SPEF2: variants seen among roughly 807,000 people sequenced by gnomAD.
The protein encoded by SPEF2 is sperm flagella and cilia-associated protein 2.
In SPEF2, 187 loss-of-function variants were observed where a neutral mutation model predicts 224.6. The observed-to-expected ratio is 0.83, with a 90% CI of 0.74 to 0.94. The LOEUF (loss-of-function observed/expected upper bound fraction) is 0.94. SPEF2 is among the 40% of genes least tolerant of loss of function. The pLI is 0.00. For missense variants in SPEF2, 2,170 were observed against 2,135.6 expected, an observed-to-expected ratio of 1.02 and a Z score of -0.32; for synonymous variants, 715 against 707.3, an observed-to-expected ratio of 1.01 and a Z score of -0.17.
At chr5:35,671,224 A>G in intron 10 of SPEF2, 5 of 984,146 alleles carry the variant, frequency 5.1e-6, no homozygotes, top group South Asian at 4.7e-5. Flanking sequence ...GAATAAAATG[A>G]ATGAATTACA....
rs768762057 is a variant in SPEF2 at position 35,807,186 on chromosome 5, T to A, written c.5312T>A (p.Val1771Asp). ...LGAKNLEPIE[V>D]AVLLKHPFIQ... ...GCCAAGAACCTGGAGCCAATTGAAG[T>A]CGCTGTTCTCTTGAAGCATCCTTTT... is the stretch of plus-strand genomic sequence containing the variant. The change falls in exon 36 of 37, where the codon GTC (valine) becomes GAC (aspartate). Residue 1771 changes from valine (V) to aspartate (D), a missense_variant. Transcript: ENST00000356031. 6.2e-7 allele frequency: 1 copy of A among 1,613,940 alleles called. No individual in the cohort carries two copies. The highest frequency in any genetic ancestry group is 1.3e-5 in the African/African-American group (1 of 74,930).
intron 30 of SPEF2, among the ~76,000 whole-genome samples, chr5:35,779,959 A>C (rs1034148503): frequency 9.9e-5 from 15 of 152,138 alleles, no homozygotes; most frequent in Non-Finnish European, 2.2e-4. Context: ...CTACTTCCAG[A>C]TATTCTTCAA....
chr5:35,810,755 G>A (rs1758485082), intron 36 of SPEF2, among the ~76,000 whole-genome samples: 1 of 152,216 alleles, frequency 6.6e-6, no homozygotes, highest in African/African-American at 2.4e-5. Flanking sequence ...CCCAGCAGCA[G>A]GGTGTCTGTC....
At chr5:35,661,351 A>C (rs955776277) in intron 8 of SPEF2, among the ~76,000 whole-genome samples, 2 of 144,882 alleles carry the variant, frequency 1.4e-5, no homozygotes, top group African/African-American at 2.5e-5. Flanking sequence ...ATATATACAC[A>C]CACACATATA....
intron 32 of SPEF2, among the ~76,000 whole-genome samples, chr5:35,795,055 G>C (rs1580763774): frequency 6.6e-6 from 1 of 151,684 alleles, no homozygotes; most frequent in African/African-American, 2.4e-5. Flanking sequence ...ATAACTTTAG[G>C]TCAAAATTTT....
intron 24 of SPEF2, among the ~76,000 whole-genome samples, 156 bp downstream of exon 24, chr5:35,753,917 C>T (rs1750064839): frequency 1.3e-5 from 2 of 152,152 alleles, no homozygotes; most frequent in Non-Finnish European, 2.9e-5. Flanking sequence ...ACCAAAAAAG[C>T]TAGCCGAAAT....
intron 19 of SPEF2, among the ~76,000 whole-genome samples, chr5:35,711,216 A>C (rs1034129782): frequency 1.2e-4 from 19 of 152,170 alleles, no homozygotes; most frequent in African/African-American, 4.6e-4. Context: ...TCACTAAAAA[A>C]CCAAATGAAA....
chr5:35,814,502 A>G lies in SPEF2; in HGVS notation c.5418A>G (p.Gln1806=). ...KIILQRSEHV[Q]GSDGERSPSR... Reference sequence around the variant, plus strand: ...TTCTCCAAAGGAGTGAACATGTACAAGGAAGTGATGGAGAGAGATCACCTT... The same window carrying G: ...TTCTCCAAAGGAGTGAACATGTACAGGGAAGTGATGGAGAGAGATCACCTT... The change falls in exon 37 of 37, where the codon CAA becomes CAG. Residue 1806 remains glutamine (Q), a synonymous_variant. Transcript: ENST00000356031. The G allele has an allele frequency of 1.2e-6, 2 of 1,609,632 alleles. No individual in the cohort carries two copies. The highest frequency in any genetic ancestry group is 1.7e-6 in the Non-Finnish European group (2 of 1,177,444).
intron 34 of SPEF2, 139 bp downstream of exon 34, chr5:35,800,286 C>T (rs1325727413): frequency 1.1e-6 from 1 of 889,244 alleles, no homozygotes; most frequent in Non-Finnish European, 1.6e-6. Flanking sequence ...CATACTAGGT[C>T]TTCAACAAAG....
At chr5:35,724,817 A>C (rs1412370220) in intron 20 of SPEF2, among the ~76,000 whole-genome samples, 1 of 152,196 alleles carries the variant, frequency 6.6e-6, no homozygotes, top group African/African-American at 2.4e-5. Context: ...GAGTATTATT[A>C]TTGGCCCCAG....
chr5:35,700,430 C>T, intron 15 of SPEF2, 66 bp from the exon 16 acceptor site: 2 of 1,389,626 alleles, frequency 1.4e-6, no homozygotes, highest in Non-Finnish European at 2.0e-6. Flanking sequence ...AGGAAAGATT[C>T]ATCATAGTAT....
chr5:35,664,791 GGA>G (rs1395380909), intron 8 of SPEF2, among the ~76,000 whole-genome samples: 1 of 141,036 alleles, frequency 7.1e-6, no homozygotes, highest in African/African-American at 2.7e-5. Context: ...AAAGAGGGAG[GGA>G]GAGAGAGGGA....
At chr5:35,748,196 G>A (rs1261841143) in intron 23 of SPEF2, among the ~76,000 whole-genome samples, 1 of 152,050 alleles carries the variant, frequency 6.6e-6, no homozygotes, top group Non-Finnish European at 1.5e-5. Context: ...TAAGAGGAAA[G>A]TTCATAGCCC....
chr5:35,677,515 C>T (rs1279094158), intron 10 of SPEF2, among the ~76,000 whole-genome samples: 1 of 152,098 alleles, frequency 6.6e-6, no homozygotes, highest in Non-Finnish European at 1.5e-5. Context: ...TTTTTTGTTT[C>T]TTTGTTTGAC....
chr5:35,718,190 A>G (rs1373429340), intron 20 of SPEF2, among the ~76,000 whole-genome samples: 2 of 152,208 alleles, frequency 1.3e-5, no homozygotes, highest in Admixed American at 6.5e-5. Context: ...TTTTGCTGGC[A>G]TGTCAGGCTT....
At chr5:35,775,482 T>C (rs900187716) in intron 28 of SPEF2, among the ~76,000 whole-genome samples, 6 of 151,980 alleles carry the variant, frequency 3.9e-5, no homozygotes, top group Non-Finnish European at 5.9e-5. Flanking sequence ...ATGAGGCATG[T>C]TCTGGGAAGG....
intron 25 of SPEF2, among the ~76,000 whole-genome samples, chr5:35,763,041 G>A (rs561724428): frequency 2.0e-5 from 3 of 152,284 alleles, no homozygotes; most frequent in South Asian, 2.1e-4. Flanking sequence ...GAGATCAGGT[G>A]TGTTCAATGT....
At chr5:35,771,999 A>G (rs1307612454) in intron 27 of SPEF2, among the ~76,000 whole-genome samples, 1 of 152,204 alleles carries the variant, frequency 6.6e-6, no homozygotes, top group African/African-American at 2.4e-5. Context: ...CCTCAAAGAC[A>G]GTTTTGAAAT....
At position 35,713,802 on chromosome 5, in the gene SPEF2, A is replaced by G. The variant is rs535291881; in HGVS notation, c.2914+916A>G. 5.6e-3 allele frequency among the ~76,000 whole-genome samples: 363 copies of G among 64,526 alleles called. 26 individuals are homozygous for G. The highest frequency in any genetic ancestry group is 6.5e-3 in the Non-Finnish European group (198 of 30,608). 42.3% of individuals were successfully genotyped at this position (64,526 alleles called of 152,430 possible). ...TATTATATATAGTGTTATATATTTT[A>G]TATATAGTATATATGTTATATATAG... On this transcript the variant is annotated intron_variant, in intron 20 of 36. Coordinates refer to ENST00000356031, the MANE Select transcript of SPEF2 (RefSeq NM_024867.4).
Sources: allele counts gnomAD v4.1 joint callset (sites outside exome capture counted in the v4.1 genomes callset), GRCh38; gene constraint gnomAD v4.1.1; transcripts MANE v1.5; gene names NCBI Gene and HGNC (gene_info 2026-07-23, HGNC 2026-07-21).